Variants in SH3BP4 observed in about 807,000 individuals in gnomAD.
SH3BP4 encodes the protein SH3 domain binding protein 4, also known as SH3 domain-binding protein 4.
SH3BP4 carries 33 observed loss-of-function variants against 65.5 expected under a neutral mutation model. That is an observed-to-expected ratio of 0.50 (90% confidence interval 0.38 to 0.67). SH3BP4 has a LOEUF of 0.67. SH3BP4 is among the 30% of genes least tolerant of loss of function. The pLI is 0.00. For missense variants in SH3BP4, 1,134 were observed against 1,261.4 expected, an observed-to-expected ratio of 0.90 and a Z score of 1.53; for synonymous variants, 552 against 545.5, an observed-to-expected ratio of 1.01 and a Z score of -0.17.
In SH3BP4 at chr2:235,055,119, G is replaced by C. The variant is rs1189579184; in HGVS notation, c.*1303G>C. 1 of 152,132 alleles carries C rather than the reference G, an allele frequency of 6.6e-6. No homozygotes were observed. The highest frequency in any genetic ancestry group is 1.5e-5 in the Non-Finnish European group (1 of 68,044). The allele number at this position is 152,132 out of a possible 1,614,324, so 9.4% of individuals were successfully genotyped here. A position where few individuals can be genotyped will look rare whatever the true frequency, so the allele number is the denominator to read the frequency against. On this transcript the variant is annotated 3_prime_UTR_variant, in exon 6 of 6. Coordinates refer to ENST00000392011, the MANE Select transcript of SH3BP4 (RefSeq NM_014521.3). Reference sequence around the variant, plus strand: ...AATCTCACAATGCGTCGTAGATGTCGCGTGTTGGAAGGGAGCAGGAGGAAG... The same window carrying C: ...AATCTCACAATGCGTCGTAGATGTCCCGTGTTGGAAGGGAGCAGGAGGAAG...
intron 2 of SH3BP4, among the ~76,000 whole-genome samples, chr2:235,016,546 T>C (rs1381173004): frequency 1.3e-5 from 2 of 152,144 alleles, no homozygotes; most frequent in African/African-American, 4.8e-5. Flanking sequence ...TCTCACTCTG[T>C]CACCAGGCTG....
rs766364023 is a variant in SH3BP4, at chr2:235,043,077, C to T, written c.2308C>T (p.Arg770Cys). 3.7e-6 allele frequency: 6 copies of T among 1,613,254 alleles called. No homozygotes were observed. Among genetic ancestry groups the T allele is most frequent in the Non-Finnish European group, 4.2e-6 (5 of 1,179,678 alleles). ...GCTCATGGAGAACATCAGCAGCTGG[C>T]GCTCCTTCGCTGACGCCCTGGGCTA... ...TLLMENISSW[R>C]SFADALGYVN... The change falls in exon 4 of 6, where the codon CGC (arginine) becomes TGC (cysteine). Residue 770 changes from arginine to cysteine, a missense_variant. Physicochemically the swap from Arg to Cys is radical, Grantham distance 180. Transcript: ENST00000392011.
rs1262156675 is a variant in SH3BP4, at chr2:234,974,389, AAGAG to A, written c.-206-20910_-206-20907del. ...AAAAAAAATAAATAAATAAAAGAGA[AAGAG>A]AGATTTGTGAAGGTCATGAGTTCCA... On this transcript the variant is annotated intron_variant, in intron 1 of 5. Coordinates refer to ENST00000392011, the MANE Select transcript of SH3BP4 (RefSeq NM_014521.3). The surrounding 1 kb of genome is among the most constrained non-coding windows in gnomAD (Gnocchi z 4.6). 1.3e-5 allele frequency among the ~76,000 whole-genome samples: 2 copies of A among 148,762 alleles called. No individual in the cohort carries two copies. The highest frequency in any genetic ancestry group is 5.2e-5 in the African/African-American group (2 of 38,264).
chr2:235,012,000 A>G (rs1694523690), intron 2 of SH3BP4, among the ~76,000 whole-genome samples: 1 of 152,244 alleles, frequency 6.6e-6, no homozygotes, highest in Non-Finnish European at 1.5e-5. Context: ...ACACAATTCA[A>G]TAAGCTGTTA....
rs765716211 is a variant in SH3BP4 at position 235,041,442 on chromosome 2, G to A, written c.673G>A (p.Gly225Arg). ...NIFDELPVTN[G>R]LHAEPPVRRD... Reference sequence around the variant, plus strand: ...CTTCGATGAGCTTCCAGTCACAAACGGACTCCACGCAGAGCCGCCGGTCAG... The same window carrying A: ...CTTCGATGAGCTTCCAGTCACAAACAGACTCCACGCAGAGCCGCCGGTCAG... The change falls in exon 4 of 6, where the codon GGA becomes AGA. Residue 225 changes from glycine to arginine, a missense_variant. Coordinates refer to ENST00000392011, the MANE Select transcript of SH3BP4 (RefSeq NM_014521.3). This position sits in a 1 kb window ranked among gnomAD's most constrained non-coding sequence, Gnocchi z 6.0. The A allele has an allele frequency of 3.1e-6, 5 of 1,614,020 alleles. No individual in the cohort carries two copies. Among genetic ancestry groups the A allele is most frequent in the East Asian group, 2.2e-5 (1 of 44,894 alleles).
At chr2:235,012,891 C>T (rs1278336574) in intron 2 of SH3BP4, among the ~76,000 whole-genome samples, 1 of 152,174 alleles carries the variant, frequency 6.6e-6, no homozygotes. Flanking sequence ...AGCCAAGGAC[C>T]ACACCAGATG....
chr2:234,981,371 C>A (rs1693377888), intron 1 of SH3BP4, among the ~76,000 whole-genome samples: 1 of 152,136 alleles, frequency 6.6e-6, no homozygotes, highest in Admixed American at 6.5e-5. Context: ...GTTCAGATAG[C>A]TCATTCCAAC....
intron 2 of SH3BP4, among the ~76,000 whole-genome samples, chr2:235,015,011 C>T (rs975453898): frequency 1.3e-5 from 2 of 152,192 alleles, no homozygotes; most frequent in South Asian, 4.1e-4. Flanking sequence ...ATCCTTTAAC[C>T]CCTTGTTTGG....
rs570897623 is a variant in SH3BP4, at chr2:235,054,053, T to C, written c.*237T>C. On this transcript the variant is annotated 3_prime_UTR_variant, in exon 6 of 6. Transcript: ENST00000392011. ...AGCTTTCTATTTGTTAAGTATAAAT[T>C]TAAATTTAAAATCACTTTTTTAACG... is the stretch of plus-strand genomic sequence containing the variant. 197 of 465,276 alleles carry C rather than the reference T, an allele frequency of 4.2e-4. No individual in the cohort carries two copies. Among genetic ancestry groups the C allele is most frequent in the Admixed American group, 1.4e-4 (4 of 28,074 alleles). The allele number at this position is 465,276 out of a possible 1,614,324, so 28.8% of individuals were successfully genotyped here. A position where few individuals can be genotyped will look rare whatever the true frequency, so the allele number is the denominator to read the frequency against.
At chr2:235,013,959 C>T (rs1055259656) in intron 2 of SH3BP4, among the ~76,000 whole-genome samples, 1 of 152,088 alleles carries the variant, frequency 6.6e-6, no homozygotes, top group African/African-American at 2.4e-5. Context: ...CAAATGATTA[C>T]TACTATCTAC....
At chr2:235,031,255 A>T (rs182173708) in intron 2 of SH3BP4, among the ~76,000 whole-genome samples, 1 of 152,148 alleles carries the variant, frequency 6.6e-6, no homozygotes, top group African/African-American at 2.4e-5. Context: ...CTATGGGGAG[A>T]GGACTGCAGA....
chr2:234,957,182 A>G (rs1692606797), intron 1 of SH3BP4, among the ~76,000 whole-genome samples: 1 of 151,836 alleles, frequency 6.6e-6, no homozygotes. Flanking sequence ...CACCACGCCC[A>G]GAAGTTTTTG....
In SH3BP4 at chr2:235,041,361, G is replaced by C; in HGVS notation, c.592G>C (p.Gly198Arg). The change falls in exon 4 of 6, where the codon GGT becomes CGT. Residue 198 changes from glycine (G) to arginine (R), a missense_variant. By Grantham distance (125) the Gly-to-Arg change is moderately radical. Coordinates refer to ENST00000392011, the MANE Select transcript of SH3BP4 (RefSeq NM_014521.3). This position sits in a 1 kb window ranked among gnomAD's most constrained non-coding sequence, Gnocchi z 6.0. The part of the protein sequence containing the change: ...STVDLLLFDA[G>R]TSSFTESSSA... ...TGTGGATTTGCTCCTTTTTGACGCA[G>C]GTACATCCTCCTTCACCGAATCCAG... is the stretch of plus-strand genomic sequence containing the variant. 1 of 1,614,162 alleles carries C rather than the reference G, an allele frequency of 6.2e-7. No individual in the cohort carries two copies. Among genetic ancestry groups the C allele is most frequent in the Non-Finnish European group, 8.5e-7 (1 of 1,180,042 alleles).
At chr2:235,009,576 C>T (rs1035506341) in intron 2 of SH3BP4, among the ~76,000 whole-genome samples, 10 of 152,080 alleles carry the variant, frequency 6.6e-5, no homozygotes, top group South Asian at 2.1e-4. Context: ...CCTCTTTCTG[C>T]ATCTGTGTCT....
Position 235,042,370 on chromosome 2 carries a change from C to T in SH3BP4, c.1601C>T (p.Pro534Leu), listed in dbSNP as rs756982929. The part of the protein sequence containing the change: ...WGKHQFVLSR[P>L]QDLKVCMFSN... The stretch of plus-strand genomic sequence containing the variant: ...AAGCACCAGTTCGTTTTGTCCAGGC[C>T]CCAGGATCTCAAGGTCTGTATGTTT... Residue 534 changes from proline (P) to leucine (L), a missense_variant, in exon 4 of 6, where the codon CCC becomes CTC. Coordinates refer to ENST00000392011, the MANE Select transcript of SH3BP4 (RefSeq NM_014521.3). The surrounding 1 kb of genome is among the most constrained non-coding windows in gnomAD (Gnocchi z 7.3). 1.8e-5 allele frequency: 29 copies of T among 1,613,992 alleles called. No individual in the cohort carries two copies. The East Asian group carries it at 2.9e-4, about 16-fold the overall frequency.
At chr2:234,982,741 G>A (rs1426378526) in intron 1 of SH3BP4, among the ~76,000 whole-genome samples, 2 of 152,150 alleles carry the variant, frequency 1.3e-5, no homozygotes, top group African/African-American at 4.8e-5. Context: ...GTATAGGGGA[G>A]TTTGAGGGTG....
At chr2:235,002,370 G>A (rs1694130167) in intron 2 of SH3BP4, among the ~76,000 whole-genome samples, 1 of 152,154 alleles carries the variant, frequency 6.6e-6, no homozygotes, top group Admixed American at 6.5e-5. Context: ...GGTGGGTTGA[G>A]CCAAATATTC....
Position 235,055,633 on chromosome 2 carries a change from T to A in SH3BP4, c.*1817T>A, listed in dbSNP as rs8691. On this transcript the variant is annotated 3_prime_UTR_variant, in exon 6 of 6. Coordinates refer to ENST00000392011, the MANE Select transcript of SH3BP4 (RefSeq NM_014521.3). The stretch of plus-strand genomic sequence containing the variant: ...ATTCTACAAAAGTTGCAGTAAATTT[T>A]ATTTGGATATTTTAACCTGTTAAGT... 6.6e-6 allele frequency: 1 copy of A among 152,610 alleles called. No individual in the cohort carries two copies. Among genetic ancestry groups the A allele is most frequent in the Non-Finnish European group, 1.5e-5 (1 of 68,040 alleles). The allele number at this position is 152,610 out of a possible 1,614,324, so 9.5% of individuals were successfully genotyped here.
Position 235,046,337 on chromosome 2 carries a change from G to A in SH3BP4, c.2478+3090G>A, listed in dbSNP as rs547290230. Among the ~76,000 whole-genome samples the A allele has an allele frequency of 1.3e-5, 2 of 152,310 alleles. No homozygotes were observed. Among genetic ancestry groups the A allele is most frequent in the East Asian group, 1.9e-4 (1 of 5,178 alleles). On this transcript the variant is annotated intron_variant, in intron 4 of 5. Coordinates refer to ENST00000392011, the MANE Select transcript of SH3BP4 (RefSeq NM_014521.3). This position sits in a 1 kb window ranked among gnomAD's most constrained non-coding sequence, Gnocchi z 4.2. ...TAATACCAGCACTTTGGGAGGCTGA[G>A]ACAGGAGAATCGCTTGAGCCCGGGA...
Sources: allele counts gnomAD v4.1 joint callset (sites outside exome capture counted in the v4.1 genomes callset), GRCh38; gene constraint gnomAD v4.1.1; non-coding constraint Gnocchi (gnomAD v3.1); transcripts MANE v1.5; gene names NCBI Gene and HGNC (gene_info 2026-07-23, HGNC 2026-07-21).